ZC3H7B: variants seen among roughly 807,000 people sequenced by gnomAD.
ZC3H7B encodes the protein zinc finger CCCH-type containing 7B, also known as zinc finger CCCH domain-containing protein 7B.
A neutral mutation model predicts 116.0 loss-of-function variants in ZC3H7B; 35 were observed. The ratio of observed to expected loss-of-function variants is 0.30; its 90% CI spans 0.23 to 0.40. ZC3H7B has a LOEUF of 0.40. ZC3H7B is among the 10% of genes least tolerant of loss of function. The probability of loss-of-function intolerance (pLI) is 1.00; values close to 1 mark genes in which losing one functional copy is unlikely to be tolerated. For synonymous variants in ZC3H7B, 502 were observed against 545.6 expected (o/e 0.92, Z 1.11); for missense variants, 1,011 against 1,321.5 (o/e 0.77, Z 3.64).
intron 1 of ZC3H7B, among the ~76,000 whole-genome samples, chr22:41,316,907 A>G (rs1215977382): frequency 1.3e-5 from 2 of 151,962 alleles, no homozygotes; most frequent in Non-Finnish European, 2.9e-5. Context: ...CAGTGGCACA[A>G]TCTTCGCTCA....
At chr22:41,354,728 A>G (rs2036691290) in intron 17 of ZC3H7B, among the ~76,000 whole-genome samples, 1 of 152,088 alleles carries the variant, frequency 6.6e-6, no homozygotes, top group Non-Finnish European at 1.5e-5. Context: ...CATTTTTCCT[A>G]CCTCTGGCCC....
Position 41,357,480 on chromosome 22 carries a change from G to C in ZC3H7B, c.*51G>C. 1 of 1,332,276 alleles carries C rather than the reference G, an allele frequency of 7.5e-7. No homozygotes were observed. The highest frequency in any genetic ancestry group is 1.2e-5 in the South Asian group (1 of 83,784). 82.5% of individuals were successfully genotyped at this position (1,332,276 alleles called of 1,614,324 possible). ...TCCTGGGGTCAGGGGGTGGGGTGGG[G>C]CCAGAAGGCCTGATAGAAGGGTCAG... On this transcript the variant is annotated 3_prime_UTR_variant, in exon 23 of 23. Coordinates refer to ENST00000352645, the MANE Select transcript of ZC3H7B (RefSeq NM_017590.6). This position sits in a 1 kb window ranked among gnomAD's most constrained non-coding sequence, Gnocchi z 5.4.
chr22:41,355,925 CAG>C lies in ZC3H7B; in HGVS notation c.2275-26_2275-25del, dbSNP rs755220050. 6 of 1,604,244 alleles carry C rather than the reference CAG, an allele frequency of 3.7e-6. No individual in the cohort carries two copies. The Admixed American group carries it at 1.0e-4, about 27-fold the overall frequency. ...GGCAGCGATGCTTTCCAGCGGGACT[CAG>C]AGGATCTCCCCACGCCCACCCCACA... On this transcript the variant is annotated intron_variant, in intron 19 of 22. Coordinates refer to ENST00000352645, the MANE Select transcript of ZC3H7B (RefSeq NM_017590.6).
chr22:41,323,230 C>T (rs112248740), intron 2 of ZC3H7B, among the ~76,000 whole-genome samples: 1,869 of 152,350 alleles, frequency 0.012, 25 homozygotes, highest in Non-Finnish European at 0.018. Context: ...CCTCCTCAGA[C>T]TTGTTCATCA....
chr22:41,356,256 C>G, intron 20 of ZC3H7B, 87 bp from the exon 21 acceptor site: 1 of 1,582,484 alleles, frequency 6.3e-7, no homozygotes, highest in South Asian at 1.2e-5. Context: ...CTTGGGACGC[C>G]CACGGCTCCC....
chr22:41,357,617 T>C lies in ZC3H7B; in HGVS notation c.*188T>C. 1 of 828,282 alleles carries C rather than the reference T, an allele frequency of 1.2e-6. No homozygotes were observed. Among genetic ancestry groups the C allele is most frequent in the Non-Finnish European group, 1.8e-6 (1 of 547,794 alleles). The allele number at this position is 828,282 out of a possible 1,614,324, so 51.3% of individuals were successfully genotyped here. A position where few individuals can be genotyped will look rare whatever the true frequency, so the allele number is the denominator to read the frequency against. ...GGTGTGCGTACCCAGGCGCACGTGC[T>C]GCAGCCCCCGGAGGCCCCGCTGAAA... is the stretch of plus-strand genomic sequence containing the variant. On this transcript the variant is annotated 3_prime_UTR_variant, in exon 23 of 23. Transcript: ENST00000352645. This position sits in a 1 kb window ranked among gnomAD's most constrained non-coding sequence, Gnocchi z 5.4.
rs774781836 is a variant in ZC3H7B at position 41,346,124 on chromosome 22, C to A, written c.1581C>A (p.Asp527Glu). ...CCCTCAACCGCGACCTGCTCTTCGA[C>A]CCGCTGGGGGGTGTTAAGCGCGGCA... ...KGTLNRDLLF[D>E]PLGGVKRGSL... The change falls in exon 14 of 23, where the codon GAC becomes GAA. Residue 527 changes from aspartate (D) to glutamate (E), a missense_variant. Physicochemically the swap from Asp to Glu is conservative, Grantham distance 45. Coordinates refer to ENST00000352645, the MANE Select transcript of ZC3H7B (RefSeq NM_017590.6). This position sits in a 1 kb window ranked among gnomAD's most constrained non-coding sequence, Gnocchi z 5.3. 1.2e-6 allele frequency: 2 copies of A among 1,613,630 alleles called. No homozygotes were observed. Among genetic ancestry groups the A allele is most frequent in the Non-Finnish European group, 8.5e-7 (1 of 1,180,026 alleles).
intron 11 of ZC3H7B, 55 bp downstream of exon 11, chr22:41,341,201 T>A: frequency 6.2e-7 from 1 of 1,606,376 alleles, no homozygotes; most frequent in Non-Finnish European, 8.5e-7. Flanking sequence ...GGGTTGTGGG[T>A]TCTAGAGTTG....
At chr22:41,325,505 C>G in intron 2 of ZC3H7B, 59 bp from the exon 3 acceptor site, 2 of 1,577,106 alleles carry the variant, frequency 1.3e-6, no homozygotes, top group South Asian at 2.3e-5. Flanking sequence ...TAGCTCTGGA[C>G]CTCCATGAAG....
chr22:41,343,637 G>A (rs1293273829), intron 13 of ZC3H7B, 61 bp downstream of exon 13: 42 of 1,494,416 alleles, frequency 2.8e-5, no homozygotes, highest in Middle Eastern at 2.0e-4. Flanking sequence ...ACCCCCAGCC[G>A]CTGCTCTACT....
At chr22:41,326,821 G>C (rs2036325600) in intron 4 of ZC3H7B, among the ~76,000 whole-genome samples, 1 of 152,202 alleles carries the variant, frequency 6.6e-6, no homozygotes, top group South Asian at 2.1e-4. Flanking sequence ...TCTGCACACA[G>C]AGCTGCCTTC....
rs2035983310 is a variant in ZC3H7B, at chr22:41,302,591, C to A, written c.-7+819C>A. Among the ~76,000 whole-genome samples the A allele has an allele frequency of 6.6e-6, 1 of 152,014 alleles. No individual in the cohort carries two copies. The highest frequency in any genetic ancestry group is 2.1e-4 in the South Asian group (1 of 4,828). ...TCCGGCCTCATACCCCCATCCTGCC[C>A]GCTGCGAACCTCAGGGCCCCCCTCC... On this transcript the variant is annotated intron_variant, in intron 1 of 22. Transcript: ENST00000352645. This position sits in a 1 kb window ranked among gnomAD's most constrained non-coding sequence, Gnocchi z 5.7.
intron 11 of ZC3H7B, 33 bp from the exon 12 acceptor site, chr22:41,342,496 G>A: frequency 1.2e-6 from 2 of 1,606,452 alleles, no homozygotes; most frequent in Non-Finnish European, 1.7e-6. Flanking sequence ...CCATCATCCA[G>A]TGCCCACAAT....
rs777800990 is a variant in ZC3H7B at position 41,358,083 on chromosome 22, C to G, written c.*654C>G. On this transcript the variant is annotated 3_prime_UTR_variant, in exon 23 of 23. Transcript: ENST00000352645. The stretch of plus-strand genomic sequence containing the variant: ...TCCCTCGTGGGCCAGTGAAAATAGA[C>G]TGTAGGTCCTCAGAGCCTTCAGAGA... 2 of 153,556 alleles carry G rather than the reference C, an allele frequency of 1.3e-5. No homozygotes were observed. The highest frequency in any genetic ancestry group is 2.9e-5 in the Non-Finnish European group (2 of 69,052). 9.5% of individuals were successfully genotyped at this position (153,556 alleles called of 1,614,324 possible). A position where few individuals can be genotyped will look rare whatever the true frequency, so the allele number is the denominator to read the frequency against.
rs117787861 is a variant in ZC3H7B at position 41,353,201 on chromosome 22, C to T, written c.2034+1555C>T. Among the ~76,000 whole-genome samples, 258 of 152,328 alleles carry T rather than the reference C, an allele frequency of 1.7e-3. 5 individuals carry two copies. The East Asian group carries it at 0.044, about 26-fold the overall frequency. The stretch of plus-strand genomic sequence containing the variant: ...ATCCCCTCCCATCCCTCCTGATCTT[C>T]GCCATGGTCCTGAAGAGAGCATGGG... On this transcript the variant is annotated intron_variant, in intron 17 of 22. Coordinates refer to ENST00000352645, the MANE Select transcript of ZC3H7B (RefSeq NM_017590.6).
At chr22:41,343,311 G>T in intron 12 of ZC3H7B, 104 bp from the exon 13 acceptor site, 1 of 1,422,764 alleles carries the variant, frequency 7.0e-7, no homozygotes, top group East Asian at 2.4e-5. Flanking sequence ...AGGGGAGGTA[G>T]GTATATAAGG....
At position 41,355,975 on chromosome 22, in the gene ZC3H7B, G is replaced by A. The variant is rs772241000; in HGVS notation, c.2296G>A (p.Gly766Ser). 3.8e-6 allele frequency: 6 copies of A among 1,567,588 alleles called. No homozygotes were observed. Among genetic ancestry groups the A allele is most frequent in the African/African-American group, 1.4e-5 (1 of 73,282 alleles). ...ACAGCTCTGCATCCATGCACAGAAC[G>A]GCCGCAAGTGCCAATATGTGGGGAA... is the stretch of plus-strand genomic sequence containing the variant. ...QYDLCIHAQNGRKCQYVGNCS... is the reference protein window; with the variant it reads ...QYDLCIHAQNSRKCQYVGNCS... The change falls in exon 20 of 23, where the codon GGC (glycine) becomes AGC (serine). Residue 766 changes from glycine (G) to serine (S), a missense_variant. Around this residue, in one of 5 missense-constraint regions of ZC3H7B, gnomAD observed 406 missense variants for 590.2 expected, o/e 0.69. Transcript: ENST00000352645.
At chr22:41,309,173 G>A (rs1310374220) in intron 1 of ZC3H7B, among the ~76,000 whole-genome samples, 4 of 151,672 alleles carry the variant, frequency 2.6e-5, no homozygotes, top group South Asian at 2.1e-4. Flanking sequence ...CACCATGCCC[G>A]GCTAATTTTT....
At position 41,331,504 on chromosome 22, in the gene ZC3H7B, G is replaced by C. The variant is rs374560934; in HGVS notation, c.526-667G>C. Among the ~76,000 whole-genome samples, 468 of 139,920 alleles carry C rather than the reference G, an allele frequency of 3.3e-3. 3 individuals carry two copies. Among genetic ancestry groups the C allele is most frequent in the African/African-American group, 0.012 (449 of 36,774 alleles). The allele number at this position is 139,920 out of a possible 152,430, so 91.8% of individuals were successfully genotyped here. On this transcript the variant is annotated intron_variant, in intron 6 of 22. Coordinates refer to ENST00000352645, the MANE Select transcript of ZC3H7B (RefSeq NM_017590.6). ...CAGGAGGCGGGACTTGCAGTGAGCA[G>C]AGATCGTGCCACTGCACTCCAGCCT...
Sources: allele counts gnomAD v4.1 joint callset (sites outside exome capture counted in the v4.1 genomes callset), GRCh38; gene constraint gnomAD v4.1.1; regional missense constraint gnomAD v4.1.1; non-coding constraint Gnocchi (gnomAD v3.1); transcripts MANE v1.5; gene names NCBI Gene and HGNC (gene_info 2026-07-23, HGNC 2026-07-21).